Variants in DRC9 observed in about 807,000 individuals in gnomAD.
The protein encoded by DRC9 is dynein regulatory complex protein 9.
At chr3:197,939,373 C>T in the DRC9 span, among the ~76,000 whole-genome samples, 11 of 152,158 alleles carry the variant, frequency 7.2e-5, no homozygotes, top group African/African-American at 2.4e-4. Context: ...CTTTGAGGAT[C>T]ATGGAGGGAA....
At chr3:197,925,450 G>T in the DRC9 span, among the ~76,000 whole-genome samples, 1 of 150,656 alleles carries the variant, frequency 6.6e-6, no homozygotes, top group South Asian at 2.1e-4. Flanking sequence ...ATCTGTGGGG[G>T]AGGGTGGGGG....
the DRC9 span, chr3:197,956,230 A>G: frequency 1.6e-5 from 3 of 192,444 alleles, no homozygotes; most frequent in Non-Finnish European, 2.2e-5. Flanking sequence ...GCTGGGATAC[A>G]GTTATGAGCC....
chr3:197,955,647 A>G, the DRC9 span: 3 of 1,028,716 alleles, frequency 2.9e-6, no homozygotes, highest in South Asian at 1.3e-5. Context: ...CCACTAGAAC[A>G]TGTAATTGGT....
the DRC9 span, chr3:197,912,375 T>G: frequency 8.1e-6 from 2 of 247,866 alleles, no homozygotes; most frequent in Non-Finnish European, 1.5e-5. Flanking sequence ...CTTAATAAAT[T>G]TTAAGTCATA....
At chr3:197,890,809 GTA>G in the DRC9 span, among the ~76,000 whole-genome samples, 1 of 152,182 alleles carries the variant, frequency 6.6e-6, no homozygotes, top group Admixed American at 6.5e-5. Context: ...CCAGAATGTG[GTA>G]TAAAACTTAA....
the DRC9 span, chr3:197,889,616 AC>A: frequency 6.2e-7 from 1 of 1,614,114 alleles, no homozygotes; most frequent in Non-Finnish European, 8.5e-7. Context: ...CCTTGCCTTT[AC>A]CTTTGCCTTT....
At chr3:197,954,004 A>G in the DRC9 span, 3 of 1,612,730 alleles carry the variant, frequency 1.9e-6, no homozygotes, top group South Asian at 1.1e-5. Flanking sequence ...TAAAATCAGC[A>G]ACACAGTCAC....
the DRC9 span, chr3:197,938,533 G>T: frequency 6.3e-7 from 1 of 1,582,596 alleles, no homozygotes; most frequent in Non-Finnish European, 8.7e-7. Context: ...ACTGCCAAAT[G>T]TCTTCCTTCC....
At chr3:197,921,740 G>A in the DRC9 span, among the ~76,000 whole-genome samples, 3 of 137,234 alleles carry the variant, frequency 2.2e-5, no homozygotes, top group South Asian at 2.3e-4. Flanking sequence ...TGGTCGACCC[G>A]ACTACTGGTT....
At chr3:197,926,076 G>GAT in the DRC9 span, 1 of 1,581,854 alleles carries the variant, frequency 6.3e-7, no homozygotes, top group Non-Finnish European at 8.7e-7. Context: ...TTTTTGAAGT[G>GAT]ATATTATCTG....
the DRC9 span, chr3:197,926,058 A>G: frequency 3.1e-6 from 5 of 1,588,774 alleles, no homozygotes; most frequent in Non-Finnish European, 4.3e-6. Context: ...TTTGACATTA[A>G]TTAGCTGTTT....
At chr3:197,957,140 G>C in the DRC9 span, 1 of 152,210 alleles carries the variant, frequency 6.6e-6, no homozygotes, top group East Asian at 1.9e-4. Context: ...CCATCTCCTG[G>C]AGACAGGACT....
chr3:197,943,796 C>G, the DRC9 span: 2 of 1,614,154 alleles, frequency 1.2e-6, no homozygotes, highest in Admixed American at 1.7e-5. Flanking sequence ...TGCTCTGTCT[C>G]CCTTCGTACT....
At chr3:197,908,164 T>G in the DRC9 span, among the ~76,000 whole-genome samples, 3 of 149,804 alleles carry the variant, frequency 2.0e-5, no homozygotes, top group African/African-American at 4.9e-5. Context: ...CAGGGGTGAC[T>G]GTACCAGGTC....
the DRC9 span, chr3:197,955,624 A>G: frequency 1.1e-6 from 1 of 873,894 alleles, no homozygotes; most frequent in Admixed American, 1.8e-5. Context: ...GAAGGCTATA[A>G]AAACTTTCCT....
chr3:197,950,905 GT>G, the DRC9 span: 1 of 1,612,492 alleles, frequency 6.2e-7, no homozygotes, highest in South Asian at 1.1e-5. Context: ...GTGTGGCTTG[GT>G]TTTAAACTAA....
chr3:197,926,595 G>A, the DRC9 span, among the ~76,000 whole-genome samples: 1 of 152,186 alleles, frequency 6.6e-6, no homozygotes, highest in Admixed American at 6.5e-5. Flanking sequence ...ACTACAGGGG[G>A]CGTAAGTCAG....
At chr3:197,946,231 C>T in the DRC9 span, among the ~76,000 whole-genome samples, 28 of 151,336 alleles carry the variant, frequency 1.9e-4, no homozygotes, top group South Asian at 1.0e-3. Flanking sequence ...GTCAGGAGAT[C>T]GAGACCATCC....
At chr3:197,942,469 G>T in the DRC9 span, among the ~76,000 whole-genome samples, 1 of 147,538 alleles carries the variant, frequency 6.8e-6, no homozygotes, top group Non-Finnish European at 1.5e-5. Flanking sequence ...AAATTTTAAT[G>T]GAAAATTAAA....
Sources: allele counts gnomAD v4.1 joint callset (sites outside exome capture counted in the v4.1 genomes callset), GRCh38; gene constraint gnomAD v4.1.1; transcripts MANE v1.5; gene names NCBI Gene and HGNC (gene_info 2026-07-23, HGNC 2026-07-21).